Variants in ADGRB3 observed in about 807,000 individuals in gnomAD.
ADGRB3 encodes adhesion G protein-coupled receptor B3.
A neutral mutation model predicts 193.4 loss-of-function variants in ADGRB3; 37 were observed. The observed-to-expected ratio is 0.19, with a 90% CI of 0.15 to 0.25. The LOEUF (loss-of-function observed/expected upper bound fraction) is 0.25. ADGRB3 is among the 10% of genes least tolerant of loss of function. The pLI, the probability that ADGRB3 is intolerant of heterozygous loss-of-function variation, is 1.00. For synonymous variants in ADGRB3, 690 were observed against 644.2 expected (o/e 1.07, Z -1.08); for missense variants, 1,637 against 1,852.9 (o/e 0.88, Z 2.14).
intron 3 of ADGRB3, among the ~76,000 whole-genome samples, chr6:68,697,627 T>G (rs1248824659): frequency 6.6e-6 from 1 of 151,992 alleles, no homozygotes; most frequent in East Asian, 1.9e-4. Context: ...ATCCTCAGAC[T>G]TCCTTGTCTT....
At chr6:69,055,880 A>G (rs1355366116) in intron 15 of ADGRB3, among the ~76,000 whole-genome samples, 9 of 151,898 alleles carry the variant, frequency 5.9e-5, no homozygotes, top group African/African-American at 2.2e-4. Flanking sequence ...CACAGGCTAG[A>G]GTGCAGTGGT....
rs752674997 is a variant in ADGRB3 at position 69,076,016 on chromosome 6, G to A, written c.2458G>A (p.Val820Ile). ...TTAGGGTACTTTGAATCCCTATTGT[G>A]TATTGTGGGATGACTCCAAAACGTA... is the stretch of plus-strand genomic sequence containing the variant. The part of the protein sequence containing the change: ...LANGTLNPYC[V>I]LWDDSKTNES... The change falls in exon 17 of 32, where the codon GTA becomes ATA. Residue 820 changes from valine (V) to isoleucine (I), a missense_variant. Physicochemically the swap from Val to Ile is conservative, Grantham distance 29 (BLOSUM62 3). Transcript: ENST00000370598. The A allele has an allele frequency of 9.9e-6, 16 of 1,611,632 alleles. No homozygotes were observed. Among genetic ancestry groups the A allele is most frequent in the Non-Finnish European group, 1.4e-5 (16 of 1,178,818 alleles).
At chr6:68,672,440 C>T (rs1419030952) in intron 3 of ADGRB3, among the ~76,000 whole-genome samples, 1 of 151,552 alleles carries the variant, frequency 6.6e-6, no homozygotes. Context: ...TGCTGTATCT[C>T]ATTGGTTTTT....
chr6:68,769,911 T>C (rs773190708), intron 3 of ADGRB3, among the ~76,000 whole-genome samples: 115 of 152,134 alleles, frequency 7.6e-4, no homozygotes, highest in Non-Finnish European at 1.9e-4. Flanking sequence ...TTAACACTGA[T>C]GAATTTTCCA....
At chr6:69,174,129 G>T (rs942107352) in intron 17 of ADGRB3, among the ~76,000 whole-genome samples, 1 of 151,916 alleles carries the variant, frequency 6.6e-6, no homozygotes, top group African/African-American at 2.4e-5. Flanking sequence ...AGATTCAGAG[G>T]TACTTGTTCA....
intron 30 of ADGRB3, among the ~76,000 whole-genome samples, chr6:69,378,210 G>T (rs1384874673): frequency 6.6e-6 from 1 of 152,052 alleles, no homozygotes; most frequent in Non-Finnish European, 1.5e-5. Flanking sequence ...TGAAATAGCT[G>T]CAGGGTGATC....
intron 17 of ADGRB3, among the ~76,000 whole-genome samples, chr6:69,213,928 A>G (rs1446364073): frequency 1.3e-5 from 2 of 152,198 alleles, no homozygotes; most frequent in East Asian, 3.9e-4. Context: ...ATAGAATAAT[A>G]TGGTCTCTGA....
chr6:68,884,976 G>A (rs190125754), intron 3 of ADGRB3, among the ~76,000 whole-genome samples: 490 of 152,236 alleles, frequency 3.2e-3, no homozygotes, highest in Middle Eastern at 6.8e-3. Flanking sequence ...GGTAATATAG[G>A]TAGAGAGATA....
chr6:68,834,414 G>A, intron 3 of ADGRB3, among the ~76,000 whole-genome samples: 1 of 152,090 alleles, frequency 6.6e-6, no homozygotes, highest in East Asian at 1.9e-4. Flanking sequence ...ATTATTAAGA[G>A]AATAATGGTA....
chr6:68,749,654 G>T (rs2127346455), intron 3 of ADGRB3, among the ~76,000 whole-genome samples: 1 of 152,022 alleles, frequency 6.6e-6, no homozygotes, highest in African/African-American at 2.4e-5. Flanking sequence ...AATCACCATA[G>T]TTTAATCACT....
At chr6:69,108,334 T>C (rs1773271542) in intron 17 of ADGRB3, among the ~76,000 whole-genome samples, 1 of 151,696 alleles carries the variant, frequency 6.6e-6, no homozygotes, top group East Asian at 1.9e-4. Flanking sequence ...TGGAATCAAA[T>C]AAACTTGAAT....
intron 3 of ADGRB3, among the ~76,000 whole-genome samples, chr6:68,801,171 G>A (rs1307651135): frequency 4.6e-5 from 7 of 152,098 alleles, no homozygotes; most frequent in Non-Finnish European, 4.4e-5. Context: ...CCTCTGTCCT[G>A]TGTTGTTTCT....
intron 17 of ADGRB3, among the ~76,000 whole-genome samples, chr6:69,217,655 TA>T (rs1765795822): frequency 6.6e-6 from 1 of 152,160 alleles, no homozygotes; most frequent in Non-Finnish European, 1.5e-5. Context: ...GGCAGGGACT[TA>T]GATTTACCTG....
At chr6:69,096,789 C>CT in intron 17 of ADGRB3, among the ~76,000 whole-genome samples, 1 of 152,314 alleles carries the variant, frequency 6.6e-6, no homozygotes, top group East Asian at 1.9e-4. Flanking sequence ...TTTCTGACCT[C>CT]TTTAAGTGCT....
At chr6:69,322,881 G>C (rs557060459) in intron 20 of ADGRB3, among the ~76,000 whole-genome samples, 1 of 151,870 alleles carries the variant, frequency 6.6e-6, no homozygotes, top group African/African-American at 2.4e-5. Context: ...TGAAGACATA[G>C]GCCTTATTTC....
intron 3 of ADGRB3, among the ~76,000 whole-genome samples, chr6:68,757,715 C>A (rs749886603): frequency 1.3e-5 from 2 of 151,896 alleles, no homozygotes; most frequent in Non-Finnish European, 2.9e-5. Context: ...AAATTTAAAA[C>A]CTTACTTTAG....
chr6:68,860,277 T>A (rs11967527), intron 3 of ADGRB3, among the ~76,000 whole-genome samples: 11,537 of 152,200 alleles, frequency 0.076, 1,428 homozygotes, highest in African/African-American at 0.26. Context: ...CATGTGCAGA[T>A]TTGTTACATG....
At chr6:68,870,362 A>T (rs79389068) in intron 3 of ADGRB3, among the ~76,000 whole-genome samples, 2,689 of 152,292 alleles carry the variant, frequency 0.018, 69 homozygotes, top group African/African-American at 0.061. Context: ...TCATTTGGAA[A>T]TTTTACATAG....
chr6:69,093,678 G>C (rs1279784021), intron 17 of ADGRB3, among the ~76,000 whole-genome samples: 1 of 150,638 alleles, frequency 6.6e-6, no homozygotes, highest in Non-Finnish European at 1.5e-5. Flanking sequence ...GGTTCGGGGG[G>C]ATATAGGGTG....
Sources: gnomAD v4.1 joint callset for allele counts (sites outside exome capture counted in the v4.1 genomes callset) on GRCh38, gnomAD v4.1.1 for gene constraint, MANE v1.5 for transcripts, NCBI Gene and HGNC (gene_info 2026-07-23, HGNC 2026-07-21) for gene names.